PCDH7: variants seen among roughly 807,000 people sequenced by gnomAD.
PCDH7 encodes the protein protocadherin 7, also known as protocadherin-7.
Under a neutral mutation model 58.9 loss-of-function variants are expected in PCDH7, and 17 were observed. That is an observed-to-expected ratio of 0.29 (90% CI 0.20 to 0.43). PCDH7 has a LOEUF of 0.43. Ranked by LOEUF, PCDH7 falls within the 20% of genes least tolerant of loss-of-function variation. The probability of loss-of-function intolerance (pLI) is 1.00; values close to 1 mark genes in which losing one functional copy is unlikely to be tolerated. For missense variants in PCDH7, 1,274 were observed against 1,441.0 expected (o/e 0.88, Z 1.88); for synonymous variants, 664 against 616.4 (o/e 1.08, Z -1.14).
intron 1 of PCDH7, among the ~76,000 whole-genome samples, chr4:30,871,476 G>A (rs987137578): frequency 6.6e-6 from 1 of 152,028 alleles, no homozygotes; most frequent in African/African-American, 2.4e-5. Flanking sequence ...GTGAGCACAA[G>A]TCACTTGGGT....
At chr4:30,851,138 G>C (rs1449750409) in intron 1 of PCDH7, among the ~76,000 whole-genome samples, 2 of 151,674 alleles carry the variant, frequency 1.3e-5, no homozygotes, top group Non-Finnish European at 2.9e-5. Context: ...GAGAGGCTCA[G>C]AAAGTAAATG....
rs138297814 is a variant in PCDH7 at position 30,760,980 on chromosome 4, C to T, written c.70+36384C>T. Among the ~76,000 whole-genome samples, 452 of 152,236 alleles carry T rather than the reference C, an allele frequency of 3.0e-3. 2 individuals are homozygous for T. The highest frequency in any genetic ancestry group is 0.01 in the African/African-American group (433 of 41,542). On this transcript the variant is annotated intron_variant, in intron 1 of 3. Transcript: ENST00000509759. ...CTTCCATTCAACTTGAAAAATGAGACGTCTGTAAATTCTCCTTAATCTTGA... is the reference window on the plus strand; with the variant it reads ...CTTCCATTCAACTTGAAAAATGAGATGTCTGTAAATTCTCCTTAATCTTGA...
chr4:30,965,156 G>T (rs545814528), intron 3 of PCDH7, among the ~76,000 whole-genome samples: 2 of 152,214 alleles, frequency 1.3e-5, no homozygotes, highest in East Asian at 3.9e-4. Context: ...TTAGTACACG[G>T]TCTTTAAGGT....
intron 3 of PCDH7, among the ~76,000 whole-genome samples, chr4:31,101,656 T>G (rs1198986685): frequency 2.0e-5 from 3 of 152,220 alleles, no homozygotes; most frequent in Admixed American, 2.0e-4. Context: ...TATTAGGCTG[T>G]TATTTCTAAA....
intron 1 of PCDH7, among the ~76,000 whole-genome samples, chr4:30,862,083 A>C (rs1734280252): frequency 1.3e-5 from 2 of 152,178 alleles, no homozygotes; most frequent in Admixed American, 1.3e-4. Flanking sequence ...AACTGAGGTC[A>C]AGATCAAGGT....
At chr4:30,883,299 A>G (rs1737248016) in intron 1 of PCDH7, among the ~76,000 whole-genome samples, 1 of 152,232 alleles carries the variant, frequency 6.6e-6, no homozygotes, top group African/African-American at 2.4e-5. Flanking sequence ...ACCATTACCA[A>G]GCCAAATTCT....
intron 1 of PCDH7, among the ~76,000 whole-genome samples, chr4:30,834,651 A>G (rs976867552): frequency 6.6e-6 from 1 of 151,868 alleles, no homozygotes; most frequent in African/African-American, 2.4e-5. Context: ...TTTTCAACTA[A>G]TAGAGATGAA....
chr4:30,908,800 G>A (rs944905251), intron 1 of PCDH7, among the ~76,000 whole-genome samples: 1 of 152,016 alleles, frequency 6.6e-6, no homozygotes, highest in African/African-American at 2.4e-5. Flanking sequence ...CCAAACAATA[G>A]AAAAAGAGGG....
chr4:30,812,892 CTG>C (rs1441820007), intron 1 of PCDH7, among the ~76,000 whole-genome samples: 1 of 152,124 alleles, frequency 6.6e-6, no homozygotes, highest in Non-Finnish European at 1.5e-5. Context: ...AATTCTCTAA[CTG>C]TCATAAATAT....
chr4:31,023,630 C>T (rs1282000180), intron 3 of PCDH7, among the ~76,000 whole-genome samples: 2 of 152,134 alleles, frequency 1.3e-5, no homozygotes, highest in Non-Finnish European at 2.9e-5. Context: ...TCTGACATGA[C>T]TATTCATTTC....
intron 1 of PCDH7, among the ~76,000 whole-genome samples, chr4:30,780,999 A>G (rs1455956250): frequency 1.3e-5 from 2 of 152,208 alleles, no homozygotes; most frequent in East Asian, 1.9e-4. Context: ...CCAAGTAAGT[A>G]AAACTATAAG....
intron 1 of PCDH7, among the ~76,000 whole-genome samples, chr4:30,800,899 C>T (rs1435115105): frequency 6.6e-6 from 1 of 152,186 alleles, no homozygotes; most frequent in East Asian, 1.9e-4. Flanking sequence ...ATCCTATAAA[C>T]ATTTGGAAGT....
At chr4:31,032,731 T>C (rs1235873112) in intron 3 of PCDH7, among the ~76,000 whole-genome samples, 1 of 144,134 alleles carries the variant, frequency 6.9e-6, no homozygotes, top group African/African-American at 2.7e-5. Flanking sequence ...AAAGAGTACA[T>C]GTCATTGCGA....
intron 2 of PCDH7, among the ~76,000 whole-genome samples, chr4:30,922,527 G>C (rs935606231): frequency 5.3e-5 from 8 of 151,930 alleles, no homozygotes; most frequent in Non-Finnish European, 1.2e-4. Context: ...AATTATATAT[G>C]ACAAACACAT....
chr4:31,012,191 G>A (rs1016022195), intron 3 of PCDH7, among the ~76,000 whole-genome samples: 1 of 151,906 alleles, frequency 6.6e-6, no homozygotes, highest in Admixed American at 6.6e-5. Context: ...TTTCCTTTTG[G>A]CCATGTGGAA....
At chr4:30,760,866 C>G (rs1355639761) in intron 1 of PCDH7, among the ~76,000 whole-genome samples, 2 of 152,150 alleles carry the variant, frequency 1.3e-5, no homozygotes, top group Non-Finnish European at 2.9e-5. Context: ...AAGAGTGAAT[C>G]AGAAAGGGTC....
intron 3 of PCDH7, among the ~76,000 whole-genome samples, chr4:31,012,401 C>T (rs935685706): frequency 7.2e-6 from 1 of 139,808 alleles, no homozygotes; most frequent in South Asian, 2.6e-4. Context: ...TTACAAACTG[C>T]CCCCTTCTAG....
intron 3 of PCDH7, among the ~76,000 whole-genome samples, chr4:31,007,613 G>A (rs187949655): frequency 2.2e-3 from 331 of 149,578 alleles, no homozygotes; most frequent in African/African-American, 6.7e-3. Context: ...ATATGTGGAT[G>A]CTCTCTAAGG....
intron 3 of PCDH7, among the ~76,000 whole-genome samples, chr4:31,061,992 C>T (rs1372895674): frequency 1.3e-5 from 2 of 151,554 alleles, no homozygotes; most frequent in Non-Finnish European, 3.0e-5. Flanking sequence ...AATAATGTGT[C>T]GGAAAGCAAA....
Sources: gnomAD v4.1 joint callset for allele counts (sites outside exome capture counted in the v4.1 genomes callset) on GRCh38, gnomAD v4.1.1 for gene constraint, MANE v1.5 for transcripts, NCBI Gene and HGNC (gene_info 2026-07-23, HGNC 2026-07-21) for gene names.